The following TAMM41 variants were observed in gnomAD, a reference collection of about 807,000 sequenced individuals.
TAMM41 encodes phosphatidate cytidylyltransferase, mitochondrial.
In TAMM41, 36 loss-of-function variants were observed where a neutral mutation model predicts 44.1. The observed-to-expected ratio is 0.82, with a 90% confidence interval of 0.63 to 1.08. The LOEUF (loss-of-function observed/expected upper bound fraction) is 1.08, where lower values mean the gene tolerates loss of function less well. Ranked by LOEUF, TAMM41 falls within the 50% of genes least tolerant of loss-of-function variation. The pLI is 0.00. For missense variants in TAMM41, 417 were observed against 404.3 expected, an observed-to-expected ratio of 1.03 and a Z score of -0.27; for synonymous variants, 164 against 153.1, an observed-to-expected ratio of 1.07 and a Z score of -0.53.
intron 5 of TAMM41, among the ~76,000 whole-genome samples, chr3:11,816,027 T>TG (rs2078264134): frequency 6.6e-6 from 1 of 152,170 alleles, no homozygotes; most frequent in African/African-American, 2.4e-5. Flanking sequence ...AACTGAGTGG[T>TG]GGGTATTCTC....
intron 2 of TAMM41, among the ~76,000 whole-genome samples, chr3:11,840,250 T>G (rs74714899): frequency 6.6e-6 from 1 of 151,122 alleles, no homozygotes; most frequent in Non-Finnish European, 1.5e-5. Context: ...TTTTTTTTTT[T>G]AAGATGGAGT....
At chr3:11,735,909 C>T in the TAMM41 span, among the ~76,000 whole-genome samples, 2 of 151,800 alleles carry the variant, frequency 1.3e-5, no homozygotes, top group Non-Finnish European at 2.9e-5. Context: ...CAGGGCCCAG[C>T]GTGGCTGCAG....
intron 7 of TAMM41, among the ~76,000 whole-genome samples, chr3:11,805,938 C>T (rs1013038220): frequency 1.3e-5 from 2 of 152,194 alleles, no homozygotes; most frequent in African/African-American, 2.4e-5. Context: ...AATTGAATCA[C>T]GAAGGCAGGT....
At chr3:11,830,743 C>T (rs1479972530) in intron 3 of TAMM41, 1 of 152,076 alleles carries the variant, frequency 6.6e-6, no homozygotes, top group Non-Finnish European at 1.5e-5. Flanking sequence ...CAGTGATGCA[C>T]ATGTGTGGTC....
At chr3:11,785,663 G>A (rs1222770412), downstream of TAMM41, among the ~76,000 whole-genome samples, 4 of 151,140 alleles carry the variant, frequency 2.6e-5, no homozygotes, top group Non-Finnish European at 5.9e-5. Flanking sequence ...CACCCAGGCT[G>A]GCGTGCAGTG....
the TAMM41 span, among the ~76,000 whole-genome samples, chr3:11,728,944 G>C: frequency 2.7e-5 from 4 of 150,102 alleles, no homozygotes; most frequent in African/African-American, 9.8e-5. Context: ...GGAGGCGAAG[G>C]TTGCAGTGAG....
At chr3:11,793,432 G>C (rs572009465) in intron 7 of TAMM41, among the ~76,000 whole-genome samples, 1 of 148,084 alleles carries the variant, frequency 6.8e-6, no homozygotes, top group Non-Finnish European at 1.5e-5. Context: ...TTGTTTAGCA[G>C]TTTCTACTAA....
At chr3:11,767,626 A>ACTTTTTTTTTTTTTTTTTT in the TAMM41 span, among the ~76,000 whole-genome samples, 1 of 60,692 alleles carries the variant, frequency 1.6e-5, no homozygotes, top group Non-Finnish European at 3.1e-5. Flanking sequence ...CACGTTGTGC[A>ACTTTTTTTTTTTTTTTTTT]TTTTTTTTTT....
chr3:11,756,941 C>T, the TAMM41 span, among the ~76,000 whole-genome samples: 2 of 151,730 alleles, frequency 1.3e-5, no homozygotes, highest in African/African-American at 4.8e-5. Context: ...GACTCCATTT[C>T]CTGTCAGAAA....
At position 11,818,415 on chromosome 3, in the gene TAMM41, C is replaced by T. The variant is rs560776758; in HGVS notation, c.563-1078G>A. ...GGAGAGGGGAAGGGATCATAGAGGT[C>T]ATTATTTGCCACAATGGATTTTCCT... On this transcript the variant is annotated intron_variant, in intron 4 of 7. Coordinates refer to ENST00000455809, the MANE Select transcript of TAMM41 (RefSeq NM_001284401.2). Among the ~76,000 whole-genome samples the T allele has an allele frequency of 5.9e-5, 9 of 152,272 alleles. No homozygotes were observed. The East Asian group carries it at 1.5e-3, about 26-fold the overall frequency.
intron 3 of TAMM41, among the ~76,000 whole-genome samples, chr3:11,832,175 C>G (rs972127110): frequency 6.6e-6 from 1 of 151,962 alleles, no homozygotes; most frequent in African/African-American, 2.4e-5. Context: ...AACACCTATG[C>G]TTATTCCTTG....
chr3:11,803,004 A>C (rs2077797226), intron 7 of TAMM41, among the ~76,000 whole-genome samples: 1 of 152,206 alleles, frequency 6.6e-6, no homozygotes, highest in Admixed American at 6.5e-5. Context: ...GGGCACAGTG[A>C]CTTATACCTG....
chr3:11,760,355 C>G, the TAMM41 span, among the ~76,000 whole-genome samples: 1 of 152,138 alleles, frequency 6.6e-6, no homozygotes, highest in Non-Finnish European at 1.5e-5. Flanking sequence ...CTCTTCAAGC[C>G]GAATCAGTTG....
intron 3 of TAMM41, among the ~76,000 whole-genome samples, chr3:11,835,019 G>A (rs2125046428): frequency 6.6e-6 from 1 of 152,242 alleles, no homozygotes; most frequent in East Asian, 1.9e-4. Flanking sequence ...AATTACTAGT[G>A]ATTGAGGAAT....
chr3:11,813,888 ATG>A (rs1240565170), intron 5 of TAMM41, among the ~76,000 whole-genome samples: 1 of 149,918 alleles, frequency 6.7e-6, no homozygotes, highest in African/African-American at 2.5e-5. Context: ...ATATGTATAT[ATG>A]TGTATATATG....
the TAMM41 span, among the ~76,000 whole-genome samples, chr3:11,726,659 C>T: frequency 6.6e-6 from 1 of 151,946 alleles, no homozygotes; most frequent in Admixed American, 6.6e-5. Flanking sequence ...AAAAATTAGC[C>T]AGGTATTGTG....
intron 4 of TAMM41, among the ~76,000 whole-genome samples, chr3:11,821,589 G>A (rs116670221): frequency 0.015 from 2,313 of 152,326 alleles, 29 homozygotes; most frequent in Non-Finnish European, 0.023. Flanking sequence ...GTTCCCAAGG[G>A]TTGGGGAACC....
In TAMM41 at chr3:11,791,324, T is replaced by C. The variant is rs542759986; in HGVS notation, c.938-743A>G. Among the ~76,000 whole-genome samples, 204 of 152,308 alleles carry C rather than the reference T, an allele frequency of 1.3e-3. 1 individual carries two copies. The highest frequency in any genetic ancestry group is 0.01 in the Middle Eastern group (3 of 294). ...GAGCTGGCCCCCTAGCACCCCCATC[T>C]ACTTAGTCAGGAGTGTGTGATGAAA... On this transcript the variant is annotated intron_variant, in intron 7 of 7. Coordinates refer to ENST00000455809, the MANE Select transcript of TAMM41 (RefSeq NM_001284401.2).
intron 4 of TAMM41, among the ~76,000 whole-genome samples, chr3:11,825,977 TA>T (rs1161831162): frequency 6.6e-6 from 1 of 152,168 alleles, no homozygotes; most frequent in Non-Finnish European, 1.5e-5. Flanking sequence ...GCTGACAACA[TA>T]ATTCCACTTT....
Sources: gnomAD v4.1 joint callset for allele counts (sites outside exome capture counted in the v4.1 genomes callset) on GRCh38, gnomAD v4.1.1 for gene constraint, MANE v1.5 for transcripts, NCBI Gene and HGNC (gene_info 2026-07-23, HGNC 2026-07-21) for gene names.